MOB3B: variants seen among roughly 807,000 people sequenced by gnomAD.
MOB3B encodes MOB kinase activator-like 2B.
In MOB3B, 7 loss-of-function variants were observed where a neutral mutation model predicts 18.7. The ratio of observed to expected loss-of-function variants is 0.37; its 90% CI spans 0.21 to 0.70. The LOEUF (loss-of-function observed/expected upper bound fraction) is 0.70, where lower values mean the gene tolerates loss of function less well. Among genes scored for constraint, MOB3B ranks in the 30% least tolerant of loss-of-function variants. The pLI is 0.52. For missense variants in MOB3B, 253 were observed against 281.3 expected, an observed-to-expected ratio of 0.90 and a Z score of 0.72; for synonymous variants, 111 against 99.9, an observed-to-expected ratio of 1.11 and a Z score of -0.66.
chr9:27,398,277 C>T (rs1157250257), intron 2 of MOB3B, among the ~76,000 whole-genome samples: 1 of 152,234 alleles, frequency 6.6e-6, no homozygotes, highest in African/African-American at 2.4e-5. Flanking sequence ...TCACTTACTG[C>T]CTTCTTCCCT....
intron 2 of MOB3B, among the ~76,000 whole-genome samples, chr9:27,401,526 GA>G (rs1821879007): frequency 1.3e-5 from 2 of 152,182 alleles, no homozygotes; most frequent in South Asian, 4.1e-4. Flanking sequence ...TAGATGATCT[GA>G]AACAGGTCAA....
At chr9:27,507,818 T>C (rs1820082251) in intron 1 of MOB3B, among the ~76,000 whole-genome samples, 1 of 152,218 alleles carries the variant, frequency 6.6e-6, no homozygotes, top group African/African-American at 2.4e-5. Context: ...TAAAGTCATG[T>C]TCTACAGACT....
At chr9:27,427,184 A>T (rs959530435) in intron 2 of MOB3B, among the ~76,000 whole-genome samples, 4 of 151,882 alleles carry the variant, frequency 2.6e-5, no homozygotes, top group African/African-American at 9.7e-5. Flanking sequence ...TGCTAGTTCC[A>T]TTTTTTTTCC....
intron 1 of MOB3B, among the ~76,000 whole-genome samples, chr9:27,516,475 G>A (rs1488971788): frequency 1.3e-5 from 2 of 152,274 alleles, no homozygotes; most frequent in Admixed American, 1.3e-4. Context: ...GAGCTTAAAA[G>A]AATCACATCA....
At chr9:27,361,628 A>G (rs1056465367) in intron 2 of MOB3B, among the ~76,000 whole-genome samples, 5 of 152,186 alleles carry the variant, frequency 3.3e-5, no homozygotes, top group East Asian at 1.9e-4. Flanking sequence ...GCCAAGCCCT[A>G]TCTATAGATT....
intron 2 of MOB3B, among the ~76,000 whole-genome samples, chr9:27,370,595 A>G (rs1217252894): frequency 6.6e-6 from 1 of 152,132 alleles, no homozygotes; most frequent in Admixed American, 6.5e-5. Context: ...AACAGGAAGC[A>G]AGGCCTCACC....
chr9:27,528,494 G>A (rs1049019966), intron 1 of MOB3B, among the ~76,000 whole-genome samples: 4 of 152,224 alleles, frequency 2.6e-5, no homozygotes, highest in Admixed American at 6.5e-5. Context: ...AGGCGGGGAA[G>A]GAACAACTTT....
At chr9:27,426,480 C>G (rs1822333500) in intron 2 of MOB3B, among the ~76,000 whole-genome samples, 1 of 152,172 alleles carries the variant, frequency 6.6e-6, no homozygotes, top group Non-Finnish European at 1.5e-5. Flanking sequence ...CACAGAGGTC[C>G]AGGCAGGTGA....
chr9:27,442,415 T>C (rs551883631), intron 2 of MOB3B, among the ~76,000 whole-genome samples: 3 of 152,362 alleles, frequency 2.0e-5, no homozygotes, highest in African/African-American at 7.2e-5. Flanking sequence ...TTTTATCTGT[T>C]TTCTCCATAA....
chr9:27,456,603 T>C (rs183014341), intron 1 of MOB3B, among the ~76,000 whole-genome samples: 38 of 152,352 alleles, frequency 2.5e-4, no homozygotes, highest in African/African-American at 8.4e-4. Context: ...CTAACTTGAG[T>C]TGGTTCTGTT....
intron 3 of MOB3B, among the ~76,000 whole-genome samples, chr9:27,342,125 G>T (rs376407729): frequency 6.6e-6 from 1 of 152,122 alleles, no homozygotes; most frequent in African/African-American, 2.4e-5. Context: ...AGAGCTGAGC[G>T]ACTGGGACAG....
At chr9:27,420,547 C>T (rs1469152531) in intron 2 of MOB3B, among the ~76,000 whole-genome samples, 1 of 44,804 alleles carries the variant, frequency 2.2e-5, no homozygotes, top group Non-Finnish European at 3.9e-5. Flanking sequence ...TCTGTATATT[C>T]CATATATATA....
chr9:27,485,878 T>G (rs1382072451), intron 1 of MOB3B, among the ~76,000 whole-genome samples: 1 of 152,228 alleles, frequency 6.6e-6, no homozygotes, highest in East Asian at 1.9e-4. Context: ...GCTAACCACA[T>G]AAGTGCAAAC....
chr9:27,524,633 C>G, intron 1 of MOB3B: 1 of 1,614,028 alleles, frequency 6.2e-7, no homozygotes, highest in Non-Finnish European at 8.5e-7. Context: ...ACATCTTCAG[C>G]CAACACACCT....
intron 2 of MOB3B, 117 bp downstream of exon 2, chr9:27,455,016 T>G: frequency 9.6e-7 from 1 of 1,039,624 alleles, no homozygotes; most frequent in Non-Finnish European, 1.5e-6. Context: ...TCACTACAGG[T>G]ATGTGAGTGA....
chr9:27,488,953 TCTGGAAGGA>T (rs1384020386), intron 1 of MOB3B, among the ~76,000 whole-genome samples: 1 of 152,332 alleles, frequency 6.6e-6, no homozygotes, highest in East Asian at 1.9e-4. Flanking sequence ...TCCTACTTAT[TCTGGAAGGA>T]CTGGTAACTT....
At chr9:27,444,083 G>A (rs1207225390) in intron 2 of MOB3B, among the ~76,000 whole-genome samples, 2 of 150,080 alleles carry the variant, frequency 1.3e-5, no homozygotes, top group Non-Finnish European at 2.9e-5. Flanking sequence ...TCCAGTAAAT[G>A]GAAACCTCTG....
At chr9:27,341,028 G>A (rs1010121592) in intron 3 of MOB3B, among the ~76,000 whole-genome samples, 1 of 152,224 alleles carries the variant, frequency 6.6e-6, no homozygotes, top group African/African-American at 2.4e-5. Flanking sequence ...AATGCCCCCT[G>A]TAGGGTTGTG....
intron 1 of MOB3B, among the ~76,000 whole-genome samples, chr9:27,456,168 AG>A (rs1317293464): frequency 6.6e-6 from 1 of 152,156 alleles, no homozygotes; most frequent in Non-Finnish European, 1.5e-5. Context: ...ATGATGGAAA[AG>A]GGGTGGCTAT....
Sources: gnomAD v4.1 joint callset for allele counts (sites outside exome capture counted in the v4.1 genomes callset) on GRCh38, gnomAD v4.1.1 for gene constraint, MANE v1.5 for transcripts, NCBI Gene and HGNC (gene_info 2026-07-23, HGNC 2026-07-21) for gene names.